Variants in LCP2 observed in about 807,000 individuals in gnomAD.
The protein encoded by LCP2 is 76 kDa tyrosine phosphoprotein.
In LCP2, 29 loss-of-function variants were observed where a neutral mutation model predicts 74.5. The observed-to-expected ratio is 0.39, with a 90% confidence interval of 0.29 to 0.53. The LOEUF is 0.53. Ranked by LOEUF, LCP2 falls within the 20% of genes least tolerant of loss-of-function variation. The pLI, the probability that LCP2 is intolerant of heterozygous loss-of-function variation, is 0.72. For synonymous variants in LCP2, 228 were observed against 229.5 expected, an observed-to-expected ratio of 0.99 and a Z score of 0.06; for missense variants, 604 against 634.6, an observed-to-expected ratio of 0.95 and a Z score of 0.52.
At position 170,297,582 on chromosome 5, in the gene LCP2, T is replaced by C; in HGVS notation, c.30A>G (p.Ser10=). ...TGTCGGGGTCCCAGCCCAGGACCTC[T>C]GAGCGAAAGGGCACATTCCTCAGTG... The part of the protein sequence containing the change: MALRNVPFR[S]EVLGWDPDSL... The change falls in exon 1 of 21, where the codon TCA becomes TCG. Residue 10 remains serine, a synonymous_variant. Coordinates refer to ENST00000046794, the MANE Select transcript of LCP2 (RefSeq NM_005565.5). 1 of 1,612,982 alleles carries C rather than the reference T, an allele frequency of 6.2e-7. No homozygotes were observed. The highest frequency in any genetic ancestry group is 2.2e-5 in the East Asian group (1 of 44,862).
chr5:170,275,819 T>A lies in LCP2; in HGVS notation c.230A>T (p.Glu77Val). ...KLSQEINKNE[E>V]RRSIFTRKPQ... Reference sequence around the variant, plus strand: ...CTTGCGTGTGAAGATGCTCCTCCTCTCTTCGTTCTTGTTGATTTCCTGACT... The same window carrying A: ...CTTGCGTGTGAAGATGCTCCTCCTCACTTCGTTCTTGTTGATTTCCTGACT... The change falls in exon 4 of 21, where the codon GAG becomes GTG. Residue 77 changes from glutamate to valine, a missense_variant. Physicochemically the swap from Glu to Val is moderately radical, Grantham distance 121. Coordinates refer to ENST00000046794, the MANE Select transcript of LCP2 (RefSeq NM_005565.5). 1 of 1,580,234 alleles carries A rather than the reference T, an allele frequency of 6.3e-7. No individual in the cohort carries two copies. The highest frequency in any genetic ancestry group is 8.6e-7 in the Non-Finnish European group (1 of 1,160,616).
Position 170,248,883 on chromosome 5 carries a change from G to T in LCP2, c.1480-64C>A, listed in dbSNP as rs556690049. On this transcript the variant is annotated intron_variant, in intron 20 of 20. Coordinates refer to ENST00000046794, the MANE Select transcript of LCP2 (RefSeq NM_005565.5). ...ATGAAAAGCAGGAACTTCACTTTCA[G>T]TTTTTTTATCTGCATAATATATGCT... 3.3e-5 allele frequency: 51 copies of T among 1,546,776 alleles called. No individual in the cohort carries two copies. The South Asian group carries it at 4.6e-4, about 14-fold the overall frequency.
intron 14 of LCP2, among the ~76,000 whole-genome samples, chr5:170,259,995 A>G (rs1349020001): frequency 6.6e-6 from 1 of 152,062 alleles, no homozygotes; most frequent in Non-Finnish European, 1.5e-5. Flanking sequence ...CCTTGTTCCT[A>G]TCTCTGCAGC....
intron 10 of LCP2, among the ~76,000 whole-genome samples, chr5:170,265,870 C>A (rs1761744825): frequency 1.3e-5 from 2 of 152,188 alleles, no homozygotes; most frequent in African/African-American, 4.8e-5. Context: ...CTTCCTCAGA[C>A]TCATGTAGTT....
In LCP2 at chr5:170,258,098, T is replaced by C. The variant is rs1173423855; in HGVS notation, c.1039A>G (p.Thr347Ala). The change falls in exon 16 of 21, where the codon ACT becomes GCT. Residue 347 changes from threonine (T) to alanine (A), a missense_variant. Coordinates refer to ENST00000046794, the MANE Select transcript of LCP2 (RefSeq NM_005565.5). ...MSSNTFPSRS[T>A]KPSPMNPLPS... ...AGAGGGTTCATGGGACTTGGCTTAG[T>C]AGATCTTGAAGGGAAAGTGTTGGAG... 5 of 1,613,928 alleles carry C rather than the reference T, an allele frequency of 3.1e-6. No homozygotes were observed. Among genetic ancestry groups the C allele is most frequent in the Non-Finnish European group, 2.5e-6 (3 of 1,179,796 alleles).
chr5:170,260,687 G>A (rs975560824), intron 14 of LCP2, among the ~76,000 whole-genome samples: 3 of 152,216 alleles, frequency 2.0e-5, no homozygotes, highest in African/African-American at 7.2e-5. Context: ...ATGGCAATGT[G>A]CATATGGTAA....
intron 2 of LCP2, among the ~76,000 whole-genome samples, chr5:170,289,627 TTCTTTCTTTC>T (rs1191396550): frequency 4.0e-5 from 4 of 99,704 alleles, no homozygotes; most frequent in Non-Finnish European, 7.9e-5. Context: ...TTTTCTTTCT[TTCTTTCTTTC>T]TTTCTTTCTT....
chr5:170,297,153 TC>T (rs1762404186), intron 1 of LCP2, among the ~76,000 whole-genome samples: 2 of 152,178 alleles, frequency 1.3e-5, no homozygotes, highest in Non-Finnish European at 2.9e-5. Context: ...CTTGCCTCTA[TC>T]ACATGTAGTC....
At chr5:170,276,600 T>TGGAGCTGGG (rs764720803) in intron 3 of LCP2, among the ~76,000 whole-genome samples, 34 of 152,090 alleles carry the variant, frequency 2.2e-4, no homozygotes, top group Non-Finnish European at 4.3e-4. Flanking sequence ...AATCCCAGGA[T>TGGAGCTGGG]GGAGCTGGGG....
At position 170,253,261 on chromosome 5, in the gene LCP2, TTGC is replaced by T. The variant is rs753399197; in HGVS notation, c.1151-51_1151-49del. 6.0e-6 allele frequency: 8 copies of T among 1,325,964 alleles called. No individual in the cohort carries two copies. The South Asian group carries it at 1.0e-4, about 17-fold the overall frequency. 82.1% of individuals were successfully genotyped at this position (1,325,964 alleles called of 1,614,324 possible). A position where few individuals can be genotyped will look rare whatever the true frequency, so the allele number is the denominator to read the frequency against. On this transcript the variant is annotated intron_variant, in intron 17 of 20. Coordinates refer to ENST00000046794, the MANE Select transcript of LCP2 (RefSeq NM_005565.5). ...CAGTTAATTTACTGTAAGCTATTGT[TTGC>T]TGCTATCAAAACACAAAACACATTC...
At chr5:170,273,994 A>G (rs59337499) in intron 6 of LCP2, 9,428 of 397,902 alleles carry the variant, frequency 0.024, 745 homozygotes, top group African/African-American at 0.17. Context: ...GGCCACGTGC[A>G]GCCTACCCTC....
Position 170,266,803 on chromosome 5 carries a change from C to T in LCP2, c.772+5G>A. 1 of 1,610,318 alleles carries T rather than the reference C, an allele frequency of 6.2e-7. No individual in the cohort carries two copies. Among genetic ancestry groups the T allele is most frequent in the South Asian group, 1.1e-5 (1 of 90,992 alleles). Reference sequence around the variant, plus strand: ...TACTATGCATTAAATGTGAATCATACCCACCTAGTGTGAAGGGTTCTCTAT... The same window carrying T: ...TACTATGCATTAAATGTGAATCATATCCACCTAGTGTGAAGGGTTCTCTAT... On this transcript the variant is annotated splice_donor_5th_base_variant and intron_variant, in intron 10 of 20. Coordinates refer to ENST00000046794, the MANE Select transcript of LCP2 (RefSeq NM_005565.5).
At chr5:170,287,545 C>G (rs904984177) in intron 3 of LCP2, among the ~76,000 whole-genome samples, 6 of 152,198 alleles carry the variant, frequency 3.9e-5, no homozygotes, top group Admixed American at 3.3e-4. Context: ...CACTCAGTAT[C>G]AACACATAAT....
intron 1 of LCP2, 89 bp downstream of exon 1, chr5:170,297,445 C>T: frequency 8.5e-7 from 1 of 1,174,234 alleles, no homozygotes; most frequent in Non-Finnish European, 1.2e-6. Context: ...ATACACCTCC[C>T]ACATTCTGCC....
At position 170,266,790 on chromosome 5, in the gene LCP2, A is replaced by C; in HGVS notation, c.772+18T>G. 3 of 1,596,214 alleles carry C rather than the reference A, an allele frequency of 1.9e-6. No individual in the cohort carries two copies. Among genetic ancestry groups the C allele is most frequent in the Non-Finnish European group, 2.6e-6 (3 of 1,163,694 alleles). On this transcript the variant is annotated intron_variant, in intron 10 of 20. Transcript: ENST00000046794. ...AGCTTATCATTATTACTATGCATTA[A>C]ATGTGAATCATACCCACCTAGTGTG...
At position 170,274,329 on chromosome 5, in the gene LCP2, T is replaced by C. The variant is rs1305989337; in HGVS notation, c.296A>G (p.Glu99Gly). The C allele has an allele frequency of 6.2e-7, 1 of 1,613,184 alleles. No homozygotes were observed. Among genetic ancestry groups the C allele is most frequent in the Non-Finnish European group, 8.5e-7 (1 of 1,179,656 alleles). ...GGACGACCAGCCCCCATTGTCCTCT[T>C]CGTGGCTTTCTGTGGAAGGAGATGA... ...PRFPEETESH[E>G]EDNGGWSSFE... Residue 99 changes from glutamate to glycine, a missense_variant, in exon 6 of 21, where the codon GAA becomes GGA. Physicochemically the swap from Glu to Gly is moderately conservative, Grantham distance 98. Transcript: ENST00000046794.
At chr5:170,293,227 A>G (rs1456463340) in intron 2 of LCP2, 83 bp downstream of exon 2, 1 of 1,345,876 alleles carries the variant, frequency 7.4e-7, no homozygotes, top group African/African-American at 1.5e-5. Context: ...CCCCAGGGAA[A>G]GGGTAGGCCA....
intron 5 of LCP2, among the ~76,000 whole-genome samples, chr5:170,274,926 G>A (rs568349125): frequency 4.7e-5 from 7 of 150,456 alleles, no homozygotes; most frequent in East Asian, 2.0e-4. Flanking sequence ...GCAGTGAGCC[G>A]AGATCGTGCC....
chr5:170,275,733 C>T, intron 4 of LCP2, 62 bp downstream of exon 4: 3 of 1,347,312 alleles, frequency 2.2e-6, no homozygotes, highest in Non-Finnish European at 3.1e-6. Context: ...TTCTGTGCCT[C>T]CCTTTTAAGG....
Sources: gnomAD v4.1 joint callset for allele counts (sites outside exome capture counted in the v4.1 genomes callset) on GRCh38, gnomAD v4.1.1 for gene constraint, MANE v1.5 for transcripts, NCBI Gene and HGNC (gene_info 2026-07-23, HGNC 2026-07-21) for gene names.